The following PCDH11X variants were observed in gnomAD, a reference collection of about 807,000 sequenced individuals.
PCDH11X encodes protocadherin 11 X-linked, also known as protocadherin-11 X-linked.
In PCDH11X, 18 loss-of-function variants were observed where a neutral mutation model predicts 53.3. The ratio of observed to expected loss-of-function variants is 0.34; its 90% CI spans 0.23 to 0.50. PCDH11X has a LOEUF of 0.50. Ranked by LOEUF, PCDH11X falls within the 20% of genes least tolerant of loss-of-function variation. The pLI is 0.98. For synonymous variants in PCDH11X, 279 were observed against 393.3 expected, an observed-to-expected ratio of 0.71 and a Z score of 3.44; for missense variants, 570 against 1,032.4, an observed-to-expected ratio of 0.55 and a Z score of 6.14.
intron 1 of PCDH11X, among the ~76,000 whole-genome samples, chrX:91,788,453 A>T (rs1372009176): frequency 8.9e-6 from 1 of 112,182 alleles, no homozygotes; most frequent in Non-Finnish European, 1.9e-5. Context: ...TTTACTTAAA[A>T]TGGCTAGAAA....
At chrX:91,913,553 G>T (rs1941451337) in intron 6 of PCDH11X, among the ~76,000 whole-genome samples, 1 of 111,196 alleles carries the variant, frequency 9.0e-6, no homozygotes. Context: ...GTCATGGCAA[G>T]CCCTCCCCAA....
intron 10 of PCDH11X, among the ~76,000 whole-genome samples, chrX:92,568,427 A>C (rs1279474036): frequency 9.2e-6 from 1 of 108,843 alleles, no homozygotes; most frequent in Non-Finnish European, 1.9e-5. Flanking sequence ...GTCTCCAAAA[A>C]AAAAAAAAAT....
intron 6 of PCDH11X, among the ~76,000 whole-genome samples, chrX:92,072,565 G>C (rs765058133): frequency 1.8e-5 from 2 of 111,497 alleles, no homozygotes; most frequent in East Asian, 5.8e-4. Flanking sequence ...TTTTGACCCA[G>C]GATGTGTCTA....
intron 10 of PCDH11X, among the ~76,000 whole-genome samples, chrX:92,551,727 G>C (rs1305346161): frequency 1.2e-3 from 128 of 110,768 alleles, no homozygotes; most frequent in African/African-American, 4.1e-3. Context: ...TTTTATTTTT[G>C]TATAGGATGA....
intron 4 of PCDH11X, among the ~76,000 whole-genome samples, chrX:91,816,804 A>G (rs1936466323): frequency 9.0e-6 from 1 of 110,599 alleles, no homozygotes; most frequent in South Asian, 3.9e-4. Context: ...TCTGTATCAC[A>G]GGTACTTATT....
chrX:92,265,261 C>A (rs745881921), intron 8 of PCDH11X, among the ~76,000 whole-genome samples: 1 of 110,423 alleles, frequency 9.1e-6, no homozygotes, highest in African/African-American at 3.3e-5. Context: ...AAAGAGGAAG[C>A]TGGACCAACA....
intron 10 of PCDH11X, among the ~76,000 whole-genome samples, chrX:92,600,530 C>T (rs1373149948): frequency 9.0e-6 from 1 of 111,178 alleles, no homozygotes; most frequent in Non-Finnish European, 1.9e-5. Context: ...TGGGAATCTC[C>T]ACCTAAATTT....
chrX:92,314,739 C>T (rs889522392), intron 8 of PCDH11X, among the ~76,000 whole-genome samples: 5 of 110,111 alleles, frequency 4.5e-5, no homozygotes, highest in African/African-American at 1.7e-4. Flanking sequence ...CTGTCGCTGA[C>T]CAAAACATTG....
chrX:92,066,826 G>A (rs1569336772), intron 6 of PCDH11X, among the ~76,000 whole-genome samples: 1 of 112,407 alleles, frequency 8.9e-6, no homozygotes, highest in Non-Finnish European at 1.9e-5. Context: ...ATGCCTTGCT[G>A]TGAGCAGTGG....
chrX:92,150,087 G>C (rs1006478799), intron 6 of PCDH11X, among the ~76,000 whole-genome samples: 1 of 111,022 alleles, frequency 9.0e-6, no homozygotes, highest in African/African-American at 3.3e-5. Context: ...GTGTGGATGT[G>C]TCTTTTCTTT....
At chrX:92,334,589 G>A (rs913331793) in intron 8 of PCDH11X, among the ~76,000 whole-genome samples, 2 of 111,182 alleles carry the variant, frequency 1.8e-5, no homozygotes, top group Non-Finnish European at 3.8e-5. Flanking sequence ...AGTGCCAGTC[G>A]TCATGCTGGA....
chrX:92,192,657 T>C (rs2066217459), intron 6 of PCDH11X, among the ~76,000 whole-genome samples: 1 of 111,431 alleles, frequency 9.0e-6, no homozygotes, highest in Admixed American at 9.6e-5. Context: ...TCCATTCTCT[T>C]TTTAAACAAT....
intron 6 of PCDH11X, among the ~76,000 whole-genome samples, chrX:91,936,320 A>G (rs1341919275): frequency 9.1e-6 from 1 of 109,453 alleles, no homozygotes; most frequent in Non-Finnish European, 1.9e-5. Context: ...ATTAGAAAGT[A>G]GTTGAACATA....
intron 9 of PCDH11X, among the ~76,000 whole-genome samples, chrX:92,436,973 TAA>T (rs71815223): frequency 0.3 from 25,216 of 84,456 alleles, 4,112 homozygotes; most frequent in African/African-American, 0.6. Flanking sequence ...AAATAAAAGG[TAA>T]AAAAAAAAAA....
chrX:92,389,850 AG>A (rs1489636818), intron 9 of PCDH11X, among the ~76,000 whole-genome samples: 6 of 109,219 alleles, frequency 5.5e-5, no homozygotes, highest in African/African-American at 2.0e-4. Context: ...TTTTAAAAAA[AG>A]GGTGCTTTCT....
At chrX:92,514,875 A>G (rs1360626334) in intron 10 of PCDH11X, among the ~76,000 whole-genome samples, 1 of 107,210 alleles carries the variant, frequency 9.3e-6, no homozygotes, top group Non-Finnish European at 1.9e-5. Flanking sequence ...GTGAAACCCC[A>G]TCCCTACTAA....
chrX:92,522,029 G>C (rs1387602368), intron 10 of PCDH11X, among the ~76,000 whole-genome samples: 1 of 112,094 alleles, frequency 8.9e-6, no homozygotes, highest in Non-Finnish European at 1.9e-5. Flanking sequence ...CAGTAAAGCT[G>C]TTTTGCTTTT....
intron 10 of PCDH11X, among the ~76,000 whole-genome samples, chrX:92,472,696 T>G (rs1341248998): frequency 1.8e-5 from 2 of 110,962 alleles, no homozygotes; most frequent in Non-Finnish European, 3.8e-5. Flanking sequence ...GCATTGAATG[T>G]ATACATTGTT....
intron 10 of PCDH11X, among the ~76,000 whole-genome samples, chrX:92,541,610 T>G (rs2074759051): frequency 9.1e-6 from 1 of 110,316 alleles, no homozygotes; most frequent in Non-Finnish European, 1.9e-5. Context: ...AGTGTAGGCT[T>G]TTATTCCACC....
Sources: gnomAD v4.1 joint callset for allele counts (sites outside exome capture counted in the v4.1 genomes callset) on GRCh38, gnomAD v4.1.1 for gene constraint, MANE v1.5 for transcripts, NCBI Gene and HGNC (gene_info 2026-07-23, HGNC 2026-07-21) for gene names.